The following ASAP1 variants were observed in gnomAD, a reference collection of about 807,000 sequenced individuals.
ASAP1 encodes the protein ArfGAP with SH3 domain, ankyrin repeat and PH domain 1, also known as arf-GAP with SH3 domain, ANK repeat and PH domain-containing protein 1.
Under a neutral mutation model 145.2 loss-of-function variants are expected in ASAP1, and 43 were observed. The ratio of observed to expected loss-of-function variants is 0.30; its 90% CI spans 0.23 to 0.38. ASAP1 has a LOEUF of 0.38. Ranked by LOEUF, ASAP1 falls within the 10% of genes least tolerant of loss-of-function variation. ASAP1 has a pLI of 1.00. For synonymous variants in ASAP1, 546 were observed against 515.5 expected (o/e 1.06, Z -0.80); for missense variants, 1,018 against 1,355.3 (o/e 0.75, Z 3.91).
chr8:130,178,492 A>T (rs897597604), intron 9 of ASAP1, among the ~76,000 whole-genome samples: 2 of 152,242 alleles, frequency 1.3e-5, no homozygotes, highest in African/African-American at 4.8e-5. Flanking sequence ...GAACAATGGT[A>T]TTTCTCAAAA....
At chr8:130,238,996 T>C (rs1199803541) in intron 3 of ASAP1, among the ~76,000 whole-genome samples, 3 of 152,146 alleles carry the variant, frequency 2.0e-5, no homozygotes, top group Non-Finnish European at 4.4e-5. Context: ...TAAATACTCT[T>C]GTATCTTTTT....
At chr8:130,078,123 G>A (rs1188740505) in intron 26 of ASAP1, among the ~76,000 whole-genome samples, 1 of 151,912 alleles carries the variant, frequency 6.6e-6, no homozygotes, top group Non-Finnish European at 1.5e-5. Context: ...CTGAGTAGCT[G>A]GGACTACAGG....
intron 3 of ASAP1, among the ~76,000 whole-genome samples, chr8:130,299,223 G>A (rs1822472845): frequency 6.6e-6 from 1 of 152,192 alleles, no homozygotes; most frequent in Non-Finnish European, 1.5e-5. Flanking sequence ...TCAAGGGCAA[G>A]CTGTGCCCTG....
At chr8:130,168,163 G>A (rs754534072) in intron 10 of ASAP1, among the ~76,000 whole-genome samples, 1 of 151,864 alleles carries the variant, frequency 6.6e-6, no homozygotes, top group Non-Finnish European at 1.5e-5. Context: ...TATATAAAAG[G>A]CATTCTTTGT....
At chr8:130,299,505 T>C (rs1478157823) in intron 3 of ASAP1, among the ~76,000 whole-genome samples, 1 of 152,216 alleles carries the variant, frequency 6.6e-6, no homozygotes, top group Non-Finnish European at 1.5e-5. Context: ...CCTCATCCCC[T>C]TTTTAAAGGA....
At chr8:130,079,774 G>T in intron 26 of ASAP1, 128 bp downstream of exon 26, 1 of 876,384 alleles carries the variant, frequency 1.1e-6, no homozygotes, top group Non-Finnish European at 1.8e-6. Flanking sequence ...GTTTCTTGTT[G>T]TGGCCTGCCC....
At chr8:130,165,715 A>C (rs1389935890) in intron 11 of ASAP1, among the ~76,000 whole-genome samples, 1 of 152,196 alleles carries the variant, frequency 6.6e-6, no homozygotes, top group Admixed American at 6.5e-5. Flanking sequence ...CTAGTGTTAC[A>C]GTGCTATAGA....
intron 3 of ASAP1, among the ~76,000 whole-genome samples, chr8:130,244,312 C>T (rs1818719445): frequency 6.6e-6 from 1 of 152,140 alleles, no homozygotes; most frequent in Non-Finnish European, 1.5e-5. Flanking sequence ...TGAATATGAA[C>T]TCCTTGTTGC....
intron 23 of ASAP1, among the ~76,000 whole-genome samples, chr8:130,114,864 T>C (rs2097552441): frequency 6.7e-6 from 1 of 150,146 alleles, no homozygotes. Context: ...AGCCTCAAAC[T>C]CCTGGGCTCA....
chr8:130,173,032 T>C (rs1190531930), intron 9 of ASAP1, among the ~76,000 whole-genome samples: 3 of 152,252 alleles, frequency 2.0e-5, no homozygotes, highest in African/African-American at 7.2e-5. Flanking sequence ...GGTTTTTTCA[T>C]TCTTCCTTAA....
At chr8:130,134,428 G>A (rs2097589527) in intron 14 of ASAP1, 84 bp from the exon 15 acceptor site, 3 of 802,296 alleles carry the variant, frequency 3.7e-6, no homozygotes, top group Non-Finnish European at 1.9e-6. Context: ...TTCCTGGGAA[G>A]AAAACCAGTA....
intron 18 of ASAP1, 50 bp downstream of exon 18, chr8:130,123,963 A>G: frequency 7.0e-7 from 1 of 1,428,764 alleles, no homozygotes; most frequent in South Asian, 1.2e-5. Flanking sequence ...AAGGGTAGAA[A>G]AACAATTATA....
At chr8:130,073,590 G>C (rs1479892234) in intron 27 of ASAP1, among the ~76,000 whole-genome samples, 2 of 152,162 alleles carry the variant, frequency 1.3e-5, no homozygotes, top group African/African-American at 4.8e-5. Context: ...AGTGCAGCGA[G>C]AGTGGACAGG....
At chr8:130,084,312 G>GA (rs2135361667) in intron 25 of ASAP1, 1 of 152,278 alleles carries the variant, frequency 6.6e-6, no homozygotes, top group African/African-American at 2.4e-5. Context: ...AGTGTGGCTA[G>GA]AAAAAATTCT....
At chr8:130,438,897 G>A (rs1448183333) in intron 1 of ASAP1, among the ~76,000 whole-genome samples, 2 of 152,098 alleles carry the variant, frequency 1.3e-5, no homozygotes, top group Admixed American at 6.5e-5. Context: ...CAGAGCTCCC[G>A]TAACACCCTT....
chr8:130,289,102 C>T (rs1821794829), intron 3 of ASAP1, among the ~76,000 whole-genome samples: 2 of 152,206 alleles, frequency 1.3e-5, no homozygotes. Flanking sequence ...AGGAGAATCA[C>T]TTGAACCCGG....
chr8:130,390,935 C>CA (rs1322927390), intron 2 of ASAP1, among the ~76,000 whole-genome samples: 1 of 142,708 alleles, frequency 7.0e-6, no homozygotes, highest in Non-Finnish European at 1.5e-5. Context: ...GGTATATATC[C>CA]CCCGCCCCCC....
intron 2 of ASAP1, among the ~76,000 whole-genome samples, chr8:130,359,009 C>A (rs753608220): frequency 2.6e-5 from 4 of 152,078 alleles, no homozygotes; most frequent in Non-Finnish European, 5.9e-5. Flanking sequence ...CCGCCGACCC[C>A]GCGAAGGAAG....
In ASAP1 at chr8:130,140,164, C is replaced by T. The variant is rs116855829; in HGVS notation, c.1081-3126G>A. Among the ~76,000 whole-genome samples, 489 of 151,634 alleles carry T rather than the reference C, an allele frequency of 3.2e-3. 1 individual carries two copies. The highest frequency in any genetic ancestry group is 4.8e-3 in the Non-Finnish European group (328 of 67,870). On this transcript the variant is annotated intron_variant, in intron 13 of 29. Transcript: ENST00000518721. ...CCTCCCACCTCAGCCTCCCAAGTAG[C>T]TGGGACTATGGATGCACACCATCAC...
Sources: allele counts gnomAD v4.1 joint callset (sites outside exome capture counted in the v4.1 genomes callset), GRCh38; gene constraint gnomAD v4.1.1; transcripts MANE v1.5; gene names NCBI Gene and HGNC (gene_info 2026-07-23, HGNC 2026-07-21).